Variants in CR1 observed in about 807,000 individuals in gnomAD.
The protein encoded by CR1 is complement C3b/C4b receptor 1 (Knops blood group).
Under a neutral mutation model 187.3 loss-of-function variants are expected in CR1, and 116 were observed. That is an observed-to-expected ratio of 0.62 (90% CI 0.53 to 0.72). The LOEUF is 0.72. Among genes scored for constraint, CR1 ranks in the 30% least tolerant of loss-of-function variants. CR1 has a pLI of 0.00. For synonymous variants in CR1, 576 were observed against 747.1 expected, an observed-to-expected ratio of 0.77 and a Z score of 3.73; for missense variants, 1,731 against 2,110.7, an observed-to-expected ratio of 0.82 and a Z score of 3.52.
intron 5 of CR1, 25 bp downstream of exon 5, chr1:207,524,034 G>A (rs367955201): frequency 6.2e-7 from 1 of 1,611,760 alleles, no homozygotes; most frequent in Non-Finnish European, 8.5e-7. Flanking sequence ...GGCCTAGAAG[G>A]GCCCTGCCAG....
At chr1:207,500,061 C>T (rs369334112) in intron 1 of CR1, among the ~76,000 whole-genome samples, 1 of 152,154 alleles carries the variant, frequency 6.6e-6, no homozygotes, top group African/African-American at 2.4e-5. Context: ...CACAACTGAT[C>T]ACAACTCGAT....
chr1:207,518,773 G>A (rs951517762), intron 4 of CR1, among the ~76,000 whole-genome samples: 2 of 152,114 alleles, frequency 1.3e-5, no homozygotes, highest in Non-Finnish European at 2.9e-5. Context: ...TGGATTTAGA[G>A]GCCACCCTGG....
chr1:207,636,224 C>T (rs1383385350), intron 46 of CR1, among the ~76,000 whole-genome samples: 4 of 151,968 alleles, frequency 2.6e-5, no homozygotes, highest in East Asian at 3.9e-4. Flanking sequence ...GTAGTACTTC[C>T]GATGGTCTTA....
At chr1:207,566,427 C>T (rs1660499058) in intron 24 of CR1, among the ~76,000 whole-genome samples, 1 of 150,120 alleles carries the variant, frequency 6.7e-6, no homozygotes, top group Admixed American at 6.6e-5. Context: ...TTATTGATCA[C>T]ATACTTTGTG....
intron 43 of CR1, among the ~76,000 whole-genome samples, chr1:207,620,329 C>T (rs767852336): frequency 8.5e-5 from 13 of 152,208 alleles, no homozygotes; most frequent in Non-Finnish European, 8.8e-5. Context: ...GATTTATTTA[C>T]AGCCTACGAG....
At chr1:207,632,566 A>T (rs774040641) in intron 46 of CR1, among the ~76,000 whole-genome samples, 15 of 152,172 alleles carry the variant, frequency 9.9e-5, no homozygotes, top group Non-Finnish European at 1.8e-4. Context: ...AGGCGAGTGG[A>T]TCATGAGTCA....
intron 1 of CR1, among the ~76,000 whole-genome samples, chr1:207,505,000 C>T (rs753358804): frequency 6.6e-6 from 1 of 152,152 alleles, no homozygotes; most frequent in Non-Finnish European, 1.5e-5. Flanking sequence ...AGGTTGCATG[C>T]TCCCTATGAG....
chr1:207,580,564 C>T lies in CR1; in HGVS notation c.5167C>T (p.Pro1723Ser). 1.2e-6 allele frequency: 2 copies of T among 1,612,782 alleles called. No individual in the cohort carries two copies. The highest frequency in any genetic ancestry group is 1.1e-5 in the South Asian group (1 of 91,026). Reference sequence around the variant, plus strand: ...ACTCCCTCATGGCCGTGTGCTATTTCCACTTAATCTCCAGCTTGGGGCAAA... The same window carrying T: ...ACTCCCTCATGGCCGTGTGCTATTTTCACTTAATCTCCAGCTTGGGGCAAA... ...GQLPHGRVLF[P>S]LNLQLGAKVS... Residue 1723 changes from proline (P) to serine (S), a missense_variant, in exon 31 of 47, where the codon CCA becomes TCA. Pro to Ser is a moderately conservative substitution (Grantham distance 74). Coordinates refer to ENST00000367049, the MANE Select transcript of CR1 (RefSeq NM_000651.6).
At chr1:207,512,496 G>A (rs1372554087) in intron 4 of CR1, among the ~76,000 whole-genome samples, 1 of 152,138 alleles carries the variant, frequency 6.6e-6, no homozygotes, top group Non-Finnish European at 1.5e-5. Flanking sequence ...ATGTAGTGAG[G>A]GCCAGGCTGA....
rs1662107260 is a variant in CR1 at position 207,616,677 on chromosome 1, C to G, written c.6764C>G (p.Thr2255Ser). ...YGKEISYACDTHPDRGMTFNL... is the reference protein window; with the variant it reads ...YGKEISYACDSHPDRGMTFNL... ...AAAGAAATATCTTACGCATGCGACA[C>G]CCACCCAGACAGAGGGATGACCTTC... The change falls in exon 41 of 47, where the codon ACC (threonine) becomes AGC (serine). Residue 2255 changes from threonine (T) to serine (S), a missense_variant. This residue lies in a region of CR1 where 1,312 missense variants were observed against 1,379.6 expected (regional missense o/e 0.95). Transcript: ENST00000367049. The G allele has an allele frequency of 6.2e-7, 1 of 1,613,974 alleles. No homozygotes were observed. The highest frequency in any genetic ancestry group is 8.5e-7 in the Non-Finnish European group (1 of 1,179,886).
At chr1:207,573,767 A>G (rs1660649414) in intron 27 of CR1, among the ~76,000 whole-genome samples, 1 of 152,240 alleles carries the variant, frequency 6.6e-6, no homozygotes, top group African/African-American at 2.4e-5. Context: ...CACAATGAAT[A>G]TTGCAGAAAA....
intron 23 of CR1, 25 bp from the exon 24 acceptor site, chr1:207,565,813 T>C (rs967706544): frequency 7.5e-6 from 12 of 1,610,244 alleles, no homozygotes; most frequent in Non-Finnish European, 9.3e-6. Flanking sequence ...AACAGCTCAC[T>C]ATTCACTCCT....
At chr1:207,502,316 G>A (rs1047157229) in intron 1 of CR1, among the ~76,000 whole-genome samples, 1 of 152,174 alleles carries the variant, frequency 6.6e-6, no homozygotes, top group African/African-American at 2.4e-5. Context: ...TGTCGGACTA[G>A]AAATTATTAT....
intron 35 of CR1, among the ~76,000 whole-genome samples, chr1:207,591,997 G>A (rs555088947): frequency 6.6e-6 from 1 of 152,186 alleles, no homozygotes; most frequent in Non-Finnish European, 1.5e-5. Context: ...TGGATTCATA[G>A]CTGAATCCTA....
Position 207,578,294 on chromosome 1 carries a change from A to G in CR1, c.4936+91A>G, listed in dbSNP as rs535010562. The G allele has an allele frequency of 7.5e-6, 12 of 1,607,412 alleles. No homozygotes were observed. The Admixed American group carries it at 8.4e-5, about 11-fold the overall frequency. ...AGTATTTGTTAAGGGGGAGGTATGTATGGTGAGGAGGGTGGGAAAGTAAGT... is the reference window on the plus strand; with the variant it reads ...AGTATTTGTTAAGGGGGAGGTATGTGTGGTGAGGAGGGTGGGAAAGTAAGT... On this transcript the variant is annotated intron_variant, in intron 29 of 46. Transcript: ENST00000367049.
Position 207,567,812 on chromosome 1 carries a change from T to C in CR1, c.3953-12T>C. ...TCCTGAATGAAACTTAGAGCTTTTGTATGTTTTCTAGAAATCTTTTGTCCA... is the reference window on the plus strand; with the variant it reads ...TCCTGAATGAAACTTAGAGCTTTTGCATGTTTTCTAGAAATCTTTTGTCCA... On this transcript the variant is annotated splice_polypyrimidine_tract_variant and intron_variant, in intron 24 of 46. Coordinates refer to ENST00000367049, the MANE Select transcript of CR1 (RefSeq NM_000651.6). 2.5e-6 allele frequency: 4 copies of C among 1,611,134 alleles called. No individual in the cohort carries two copies. The highest frequency in any genetic ancestry group is 3.4e-6 in the Non-Finnish European group (4 of 1,179,654).
chr1:207,605,529 T>C lies in CR1; in HGVS notation c.5811-1722T>C, dbSNP rs563442565. 2.0e-5 allele frequency among the ~76,000 whole-genome samples: 3 copies of C among 152,328 alleles called. No homozygotes were observed. The South Asian group carries it at 6.2e-4, about 32-fold the overall frequency. Reference sequence around the variant, plus strand: ...ATTTTAAAAAATATTCACTGTGTTTTTTTCAGCCATACATAGGCTGGAACC... The same window carrying C: ...ATTTTAAAAAATATTCACTGTGTTTCTTTCAGCCATACATAGGCTGGAACC... On this transcript the variant is annotated intron_variant, in intron 35 of 46. Transcript: ENST00000367049.
At chr1:207,579,852 G>A (rs1258969117) in intron 29 of CR1, among the ~76,000 whole-genome samples, 2 of 152,180 alleles carry the variant, frequency 1.3e-5, no homozygotes, top group Non-Finnish European at 2.9e-5. Flanking sequence ...CCCTTCCAGA[G>A]TAAGCCCCAA....
At chr1:207,582,359 T>C (rs1284633806) in intron 32 of CR1, among the ~76,000 whole-genome samples, 1 of 152,234 alleles carries the variant, frequency 6.6e-6, no homozygotes, top group Admixed American at 6.5e-5. Flanking sequence ...CATTTAGTCA[T>C]ATACTCATTC....
Sources: allele counts gnomAD v4.1 joint callset (sites outside exome capture counted in the v4.1 genomes callset), GRCh38; gene constraint gnomAD v4.1.1; regional missense constraint gnomAD v4.1.1; transcripts MANE v1.5; gene names NCBI Gene and HGNC (gene_info 2026-07-23, HGNC 2026-07-21).